RBP4: variants seen among roughly 807,000 people sequenced by gnomAD.
The protein encoded by RBP4 is retinol binding protein 4.
A neutral mutation model predicts 26.2 loss-of-function variants in RBP4; 9 were observed. The ratio of observed to expected loss-of-function variants is 0.34; its 90% confidence interval spans 0.21 to 0.60. RBP4 has a LOEUF of 0.60. RBP4 is among the 20% of genes least tolerant of loss of function. The pLI, the probability that RBP4 is intolerant of heterozygous loss-of-function variation, is 0.80. For missense variants in RBP4, 244 were observed against 271.3 expected (o/e 0.90, Z 0.71); for synonymous variants, 114 against 111.0 (o/e 1.03, Z -0.17).
At chr10:93,593,715 T>C (rs2058281884) in intron 5 of RBP4, 108 bp downstream of exon 5, 1 of 1,305,610 alleles carries the variant, frequency 7.7e-7, no homozygotes, top group East Asian at 2.3e-5. Flanking sequence ...CAAGAACCCC[T>C]GTTTTCTCTG....
intron 4 of RBP4, among the ~76,000 whole-genome samples, chr10:93,598,770 T>C (rs1315423751): frequency 6.6e-6 from 1 of 152,252 alleles, no homozygotes; most frequent in Admixed American, 6.5e-5. Flanking sequence ...CATCTCAAAA[T>C]GCTATAGAAC....
Position 93,601,017 on chromosome 10 carries a change from C to T in RBP4, c.12G>A (p.Val4=), listed in dbSNP as rs920422975. 6.2e-7 allele frequency: 1 copy of T among 1,611,310 alleles called. No homozygotes were observed. Among genetic ancestry groups the T allele is most frequent in the Non-Finnish European group, 8.5e-7 (1 of 1,179,688 alleles). MKW[V]WALLLLAALG... ...GCGCCGCCAACAGCAAGAGCGCCCA[C>T]ACCCACTTCATCTTGCCCAGGAATC... The change falls in exon 2 of 6, where the codon GTG becomes GTA. Residue 4 remains valine, a synonymous_variant. Coordinates refer to ENST00000371464, the MANE Select transcript of RBP4 (RefSeq NM_006744.4).
chr10:93,600,260 C>A, intron 4 of RBP4, 133 bp downstream of exon 4: 3 of 798,908 alleles, frequency 3.8e-6, no homozygotes, highest in Middle Eastern at 4.4e-4. Flanking sequence ...GGTGGTGCTG[C>A]GGGTTCCTGA....
In RBP4 at chr10:93,597,057, T is replaced by C. The variant is rs77676617; in HGVS notation, c.356-3022A>G. The stretch of plus-strand genomic sequence containing the variant: ...CTAGACCAGTGGTTCTCAAACTTCA[T>C]TGTGCAGAAACAGCATACCCAAGGA... On this transcript the variant is annotated intron_variant, in intron 4 of 5. Coordinates refer to ENST00000371464, the MANE Select transcript of RBP4 (RefSeq NM_006744.4). Among the ~76,000 whole-genome samples, 752 of 152,300 alleles carry C rather than the reference T, an allele frequency of 4.9e-3. 5 individuals are homozygous for C. The highest frequency in any genetic ancestry group is 0.017 in the African/African-American group (724 of 41,564).
At chr10:93,593,069 C>T (rs565633983) in intron 5 of RBP4, among the ~76,000 whole-genome samples, 11 of 152,302 alleles carry the variant, frequency 7.2e-5, no homozygotes, top group East Asian at 1.9e-4. Context: ...CAGCCCACCT[C>T]GGCCTCCAAA....
Position 93,601,189 on chromosome 10 carries a change from G to A in RBP4, c.-37C>T, listed in dbSNP as rs1244299358. On this transcript the variant is annotated 5_prime_UTR_variant, in exon 1 of 6. Coordinates refer to ENST00000371464, the MANE Select transcript of RBP4 (RefSeq NM_006744.4). ...GACTCACCACCGGGAGGGGAACCGCGCGCAAGCCTGGCCGCCGAGTCCGGG... is the reference window on the plus strand; with the variant it reads ...GACTCACCACCGGGAGGGGAACCGCACGCAAGCCTGGCCGCCGAGTCCGGG... The A allele has an allele frequency of 1.5e-6, 2 of 1,361,720 alleles. No individual in the cohort carries two copies. Among genetic ancestry groups the A allele is most frequent in the Admixed American group, 3.8e-5 (1 of 26,144 alleles). The allele number at this position is 1,361,720 out of a possible 1,614,324, so 84.4% of individuals were successfully genotyped here. A position where few individuals can be genotyped will look rare whatever the true frequency, so the allele number is the denominator to read the frequency against.
Position 93,600,972 on chromosome 10 carries a change from C to T in RBP4, c.57G>A (p.Glu19=). Residue 19 remains glutamate, a synonymous_variant, in exon 2 of 6, where the codon GAG becomes GAA. Transcript: ENST00000371464. ...GGAAGCTGCTCACTCGGCAGTCGCG[C>T]TCCGCGCGGCCGCTGCCCAGCGCCG... ...LLAALGSGRA[E]RDCRVSSFRV... 1 of 1,612,412 alleles carries T rather than the reference C, an allele frequency of 6.2e-7. No individual in the cohort carries two copies. The highest frequency in any genetic ancestry group is 1.7e-5 in the Admixed American group (1 of 60,000).
In RBP4 at chr10:93,601,161, C is replaced by A. The variant is rs2058336603; in HGVS notation, c.-19+10G>T. The A allele has an allele frequency of 6.9e-7, 1 of 1,459,094 alleles. No homozygotes were observed. The allele number at this position is 1,459,094 out of a possible 1,614,324, so 90.4% of individuals were successfully genotyped here. ...CCGCCGCCGGCCCCGAGGCCCCGGC[C>A]GCGACTCACCACCGGGAGGGGAACC... On this transcript the variant is annotated intron_variant, in intron 1 of 5. Transcript: ENST00000371464.
At chr10:93,593,760 G>T in intron 5 of RBP4, 63 bp downstream of exon 5, 10 of 1,538,140 alleles carry the variant, frequency 6.5e-6, no homozygotes, top group Non-Finnish European at 8.0e-6. Flanking sequence ...TAGCACGTGG[G>T]CCCCTTAGTC....
At chr10:93,599,599 C>T (rs2058323065) in intron 4 of RBP4, among the ~76,000 whole-genome samples, 1 of 152,176 alleles carries the variant, frequency 6.6e-6, no homozygotes, top group Non-Finnish European at 1.5e-5. Context: ...GTTCTCTTGG[C>T]CTCAGTTTAT....
chr10:93,599,650 C>T (rs1410778142), intron 4 of RBP4, among the ~76,000 whole-genome samples: 1 of 152,172 alleles, frequency 6.6e-6, no homozygotes, highest in Non-Finnish European at 1.5e-5. Context: ...TTAACTCTCC[C>T]TCTCTAAGAT....
Position 93,591,818 on chromosome 10 carries a change from C to A in RBP4, c.*257G>T. 2 of 515,784 alleles carry A rather than the reference C, an allele frequency of 3.9e-6. No individual in the cohort carries two copies. The highest frequency in any genetic ancestry group is 7.0e-6 in the Non-Finnish European group (2 of 287,114). 32.0% of individuals were successfully genotyped at this position (515,784 alleles called of 1,614,324 possible). A position where few individuals can be genotyped will look rare whatever the true frequency, so the allele number is the denominator to read the frequency against. On this transcript the variant is annotated 3_prime_UTR_variant, in exon 6 of 6. Coordinates refer to ENST00000371464, the MANE Select transcript of RBP4 (RefSeq NM_006744.4). The stretch of plus-strand genomic sequence containing the variant: ...CATCCGTCTGCAGCACAGACATAAA[C>A]ACAAATGAAAACTAAAATCACAGGA...
chr10:93,599,255 A>T (rs571009649), intron 4 of RBP4, among the ~76,000 whole-genome samples: 118 of 150,804 alleles, frequency 7.8e-4, no homozygotes, highest in East Asian at 1.4e-3. Context: ...TCTAAAAAAA[A>T]AATAATAATA....
Position 93,600,683 on chromosome 10 carries a change from G to T in RBP4, c.232C>A (p.Arg78=), listed in dbSNP as rs1382481511. The change falls in exon 3 of 6, where the codon CGA becomes AGA. Residue 78 remains arginine, a synonymous_variant. Transcript: ENST00000371464. ...GCCACTGACTTCAAAAGACGGACTC[G>T]GCCCTTGGCTGTGGCGCTCATCTGG... The part of the protein sequence containing the change: ...TGQMSATAKG[R]VRLLNNWDVC... 8.7e-6 allele frequency: 14 copies of T among 1,611,472 alleles called. No homozygotes were observed. Among genetic ancestry groups the T allele is most frequent in the Non-Finnish European group, 1.2e-5 (14 of 1,179,012 alleles).
chr10:93,596,804 T>C (rs1377173950), intron 4 of RBP4, among the ~76,000 whole-genome samples: 2 of 152,240 alleles, frequency 1.3e-5, no homozygotes, highest in Non-Finnish European at 2.9e-5. Flanking sequence ...GGGCCTGGCA[T>C]GTGTCCTTTC....
chr10:93,601,319 A>C (rs966343186), upstream of RBP4: 39 of 1,215,294 alleles, frequency 3.2e-5, no homozygotes, highest in Non-Finnish European at 3.8e-5. Flanking sequence ...GAAAGACCGA[A>C]GGGGAGGCGC....
At chr10:93,601,087 C>T (rs946451942) in intron 1 of RBP4, 41 bp from the exon 2 acceptor site, 31 of 1,588,114 alleles carry the variant, frequency 2.0e-5, no homozygotes, top group Non-Finnish European at 2.3e-5. Flanking sequence ...GCAGCCGACC[C>T]CCGCCGCCGT....
chr10:93,599,570 T>TTGTG (rs1246798641), intron 4 of RBP4, among the ~76,000 whole-genome samples: 1 of 152,200 alleles, frequency 6.6e-6, no homozygotes, highest in African/African-American at 2.4e-5. Context: ...AACAAACTTG[T>TTGTG]TGCATGTCCT....
intron 5 of RBP4, among the ~76,000 whole-genome samples, chr10:93,592,963 G>A (rs777040569): frequency 1.3e-5 from 2 of 152,132 alleles, no homozygotes; most frequent in East Asian, 3.9e-4. Flanking sequence ...GATTACAGGC[G>A]CATGCCACCA....
Sources: allele counts gnomAD v4.1 joint callset (sites outside exome capture counted in the v4.1 genomes callset), GRCh38; gene constraint gnomAD v4.1.1; transcripts MANE v1.5; gene names NCBI Gene and HGNC (gene_info 2026-07-23, HGNC 2026-07-21).